The following MCM3AP variants were observed in gnomAD, a reference collection of about 807,000 sequenced individuals.
MCM3AP encodes the protein minichromosome maintenance complex component 3 associated protein.
Under a neutral mutation model 184.1 loss-of-function variants are expected in MCM3AP, and 126 were observed. The observed-to-expected ratio is 0.68, with a 90% CI of 0.59 to 0.79. The LOEUF is 0.79. MCM3AP is among the 30% of genes least tolerant of loss of function. The pLI is 0.00. For synonymous variants in MCM3AP, 1,002 were observed against 979.3 expected (o/e 1.02, Z -0.43); for missense variants, 2,496 against 2,479.2 (o/e 1.01, Z -0.14).
At chr21:46,271,124 G>A (rs779790198) in intron 8 of MCM3AP, among the ~76,000 whole-genome samples, 1 of 151,688 alleles carries the variant, frequency 6.6e-6, no homozygotes, top group Non-Finnish European at 1.5e-5. Context: ...TGCTTGTCAC[G>A]TAGAAAAAGA....
In MCM3AP at chr21:46,251,569, C is replaced by T; in HGVS notation, c.4250G>A (p.Ser1417Asn). 2 of 1,612,746 alleles carry T rather than the reference C, an allele frequency of 1.2e-6. No individual in the cohort carries two copies. Among genetic ancestry groups the T allele is most frequent in the South Asian group, 1.1e-5 (1 of 91,012 alleles). Residue 1417 changes from serine to asparagine, a missense_variant, in exon 20 of 28, where the codon AGC (serine) becomes AAC (asparagine). This residue lies in a region of MCM3AP where 1,323 missense variants were observed against 1,273.4 expected (regional missense o/e 1.04). Coordinates refer to ENST00000291688, the MANE Select transcript of MCM3AP (RefSeq NM_003906.5). ...QTLSLFNSLS[S>N]KGDQMISVNV... is the part of the protein sequence containing the mutation. Reference sequence around the variant, plus strand: ...AACAGAAATCATCTGATCCCCTTTGCTGCTAAGTGAGTTGAAAAGCGAAAG... The same window carrying T: ...AACAGAAATCATCTGATCCCCTTTGTTGCTAAGTGAGTTGAAAAGCGAAAG...
chr21:46,283,633 C>T lies in MCM3AP; in HGVS notation c.1425G>A (p.Val475=), dbSNP rs776721153. 1.2e-6 allele frequency: 2 copies of T among 1,613,316 alleles called. No homozygotes were observed. Among genetic ancestry groups the T allele is most frequent in the South Asian group, 1.1e-5 (1 of 91,036 alleles). The change falls in exon 2 of 28, where the codon GTG becomes GTA. Residue 475 remains valine, a synonymous_variant. Transcript: ENST00000291688. ...TACTCACATGATCAAAGAAATGTAC[C>T]ACTGCAAGCTTTTTGCTGCGCCTGG... The part of the protein sequence containing the change: ...IFTRRSKKLA[V]VHFFDHASAA...
intron 19 of MCM3AP, 37 bp from the exon 20 acceptor site, chr21:46,251,719 CTT>C (rs746181213): frequency 1.7e-5 from 21 of 1,270,396 alleles, no homozygotes; most frequent in Non-Finnish European, 2.2e-5. Flanking sequence ...AAAAAAAACA[CTT>C]GAAGAATCTA....
rs1337921957 is a variant in MCM3AP at position 46,272,767 on chromosome 21, C to G, written c.2259G>C (p.Arg753=). The change falls in exon 8 of 28, where the codon CGG becomes CGC. Residue 753 remains arginine (R), a synonymous_variant. Coordinates refer to ENST00000291688, the MANE Select transcript of MCM3AP (RefSeq NM_003906.5). ...LTVSLIEKCT[R]FHIHCAHFMC... is the part of the protein sequence containing the mutation. ...TGAAGTGGGCACAGTGGATGTGAAA[C>G]CGGGTGCACTTCTCAATCAGGGACA... The G allele has an allele frequency of 2.5e-6, 4 of 1,613,364 alleles. No homozygotes were observed. The highest frequency in any genetic ancestry group is 3.4e-6 in the Non-Finnish European group (4 of 1,179,574).
chr21:46,243,034 A>C, intron 24 of MCM3AP, 103 bp from the exon 25 acceptor site: 1 of 1,069,452 alleles, frequency 9.4e-7, no homozygotes, highest in Non-Finnish European at 1.3e-6. Context: ...TACAAATAAT[A>C]TTTAAACAGC....
At position 46,270,572 on chromosome 21, in the gene MCM3AP, T is replaced by C. The variant is rs770809345; in HGVS notation, c.2466-9A>G. 4 of 1,583,544 alleles carry C rather than the reference T, an allele frequency of 2.5e-6. No individual in the cohort carries two copies. In the South Asian group the frequency reaches 4.7e-5, roughly 19 times the overall value. On this transcript the variant is annotated splice_polypyrimidine_tract_variant and intron_variant, in intron 8 of 27. Coordinates refer to ENST00000291688, the MANE Select transcript of MCM3AP (RefSeq NM_003906.5). ...GGAACTGTTGTACTTCTCTGTTAATTAAAGGAGAGAAAAGGGGTTGGAATG... is the reference window on the plus strand; with the variant it reads ...GGAACTGTTGTACTTCTCTGTTAATCAAAGGAGAGAAAAGGGGTTGGAATG...
chr21:46,248,631 G>C (rs1022192617), intron 20 of MCM3AP, among the ~76,000 whole-genome samples: 2 of 146,754 alleles, frequency 1.4e-5, no homozygotes, highest in Admixed American at 1.3e-4. Flanking sequence ...AAAAAAAAAA[G>C]AGGAACCAGA....
At chr21:46,235,512 GT>G in intron 27 of MCM3AP, 86 bp from the exon 28 acceptor site, 2 of 1,125,052 alleles carry the variant, frequency 1.8e-6, no homozygotes, top group Non-Finnish European at 2.6e-6. Flanking sequence ...TCTGGATCAT[GT>G]TAGAAACCTC....
At chr21:46,274,938 C>T (rs1416684170) in intron 6 of MCM3AP, among the ~76,000 whole-genome samples, 1 of 97,034 alleles carries the variant, frequency 1.0e-5, no homozygotes, top group African/African-American at 4.3e-5. Flanking sequence ...GACCCTGTCT[C>T]AAAAAAAAAA....
Position 46,272,211 on chromosome 21 carries a change from A to G in MCM3AP, c.2465+350T>C, listed in dbSNP as rs549988125. 4.6e-5 allele frequency among the ~76,000 whole-genome samples: 7 copies of G among 152,310 alleles called. No homozygotes were observed. In the South Asian group the frequency reaches 1.4e-3, roughly 32 times the overall value. ...TGACAAAACTATCTGGGAACAGGGA[A>G]CTGCTAACAACCTTGCAGGGCACCT... is the stretch of plus-strand genomic sequence containing the variant. On this transcript the variant is annotated intron_variant, in intron 8 of 27. Coordinates refer to ENST00000291688, the MANE Select transcript of MCM3AP (RefSeq NM_003906.5).
chr21:46,284,058 C>G lies in MCM3AP; in HGVS notation c.1219+10G>C. 6.2e-7 allele frequency: 1 copy of G among 1,607,000 alleles called. No homozygotes were observed. ...GGATTTACTCTATGTGCTACATTTT[C>G]AGAGCTCACCTTCTTTCTTCTCTCT... On this transcript the variant is annotated intron_variant, in intron 1 of 27. Transcript: ENST00000291688.
At chr21:46,267,403 T>C in intron 9 of MCM3AP, 1 of 442,562 alleles carries the variant, frequency 2.3e-6, no homozygotes, top group Non-Finnish European at 4.1e-6. Flanking sequence ...ATAAGAGAAA[T>C]CATGAAACAA....
intron 23 of MCM3AP, 50 bp downstream of exon 23, chr21:46,244,757 T>A: frequency 6.5e-7 from 1 of 1,549,342 alleles, no homozygotes; most frequent in Non-Finnish European, 8.7e-7. Context: ...GAAGGAAGCC[T>A]GAGACTTGGC....
chr21:46,260,812 T>C lies in MCM3AP; in HGVS notation c.3562A>G (p.Thr1188Ala), dbSNP rs1473800095. The change falls in exon 15 of 28, where the codon ACC (threonine) becomes GCC (alanine). Residue 1188 changes from threonine to alanine, a missense_variant. Around this residue, in one of 5 missense-constraint regions of MCM3AP, gnomAD observed 1,323 missense variants for 1,273.4 expected, o/e 1.04. Coordinates refer to ENST00000291688, the MANE Select transcript of MCM3AP (RefSeq NM_003906.5). ...ERVMMEFVRE[T>A]CSQELKNAVE... ...ACTTACTTCAACTCCTGGGAGCAGG[T>C]TTCCCTCACAAACTCCATCATCACG... 1.9e-6 allele frequency: 3 copies of C among 1,613,666 alleles called. No homozygotes were observed. The African/African-American group carries it at 4.0e-5, about 22-fold the overall frequency.
chr21:46,280,152 G>A lies in MCM3AP; in HGVS notation c.1523-15C>T. On this transcript the variant is annotated splice_polypyrimidine_tract_variant and intron_variant, in intron 3 of 27. Transcript: ENST00000291688. ...CTTATTGGGGCCTGTGGACATAGGA[G>A]GCAGAAAAGAGTTTATGCAATCACA... The A allele has an allele frequency of 1.2e-6, 2 of 1,613,402 alleles. No individual in the cohort carries two copies. The highest frequency in any genetic ancestry group is 1.7e-6 in the Non-Finnish European group (2 of 1,179,750).
intron 7 of MCM3AP, 102 bp from the exon 8 acceptor site, chr21:46,272,931 A>C: frequency 8.6e-7 from 1 of 1,160,818 alleles, no homozygotes; most frequent in Admixed American, 2.5e-5. Flanking sequence ...TTTCAATTTG[A>C]AACAAAGCCC....
chr21:46,265,478 AG>A lies in MCM3AP; in HGVS notation c.3076del (p.Leu1026CysfsTer24). Reference protein sequence around the residue: ...EECGVEPDAPLSSLPQSLPAP... With the variant: ...EECGVEPDAPXSSLPQSLPAP... ...TGGTAGAGACTGTGGGAGACTGGACAGGGGTGCATCCGGCTCTACACCACAC... is the reference window on the plus strand; with the variant it reads ...TGGTAGAGACTGTGGGAGACTGGACAGGGTGCATCCGGCTCTACACCACAC... On this transcript the variant is annotated frameshift_variant, in exon 12 of 28. Transcript: ENST00000291688. LOFTEE classifies it high-confidence loss of function. 6.2e-7 allele frequency: 1 copy of A among 1,606,796 alleles called. No homozygotes were observed.
At chr21:46,238,591 C>T (rs2080591268) in intron 26 of MCM3AP, among the ~76,000 whole-genome samples, 2 of 119,798 alleles carry the variant, frequency 1.7e-5, no homozygotes, top group Non-Finnish European at 3.5e-5. Flanking sequence ...ACCTGTAGTC[C>T]CAGCTACTTG....
chr21:46,277,420 G>A, intron 5 of MCM3AP, 107 bp downstream of exon 5: 1 of 792,552 alleles, frequency 1.3e-6, no homozygotes, highest in Non-Finnish European at 2.0e-6. Flanking sequence ...CAGGCTCTGA[G>A]ACTCAACAGC....
Sources: gnomAD v4.1 joint callset for allele counts (sites outside exome capture counted in the v4.1 genomes callset) on GRCh38, gnomAD v4.1.1 for gene constraint, gnomAD v4.1.1 regional missense constraint, MANE v1.5 for transcripts, NCBI Gene and HGNC (gene_info 2026-07-23, HGNC 2026-07-21) for gene names.